IL22RA1: variants seen among roughly 807,000 people sequenced by gnomAD.
IL22RA1 encodes the protein interleukin-22 receptor subunit alpha-1.
A neutral mutation model predicts 32.8 loss-of-function variants in IL22RA1; 25 were observed. The ratio of observed to expected loss-of-function variants is 0.76; its 90% CI spans 0.55 to 1.06. IL22RA1 has a LOEUF of 1.06. Ranked by LOEUF, IL22RA1 falls within the 50% of genes least tolerant of loss-of-function variation. IL22RA1 has a pLI of 0.00. For missense variants in IL22RA1, 709 were observed against 727.4 expected (o/e 0.97, Z 0.29); for synonymous variants, 305 against 305.0 (o/e 1.00, Z 0.00).
chr1:24,125,364 G>C (rs1408659958), intron 5 of IL22RA1, among the ~76,000 whole-genome samples: 1 of 152,326 alleles, frequency 6.6e-6, no homozygotes, highest in East Asian at 1.9e-4. Context: ...GGAAGCCTCA[G>C]TTTCCTCATC....
intron 1 of IL22RA1, 55 bp from the exon 2 acceptor site, chr1:24,138,769 A>G: frequency 1.3e-6 from 2 of 1,593,106 alleles, no homozygotes; most frequent in Non-Finnish European, 1.7e-6. Context: ...CACCCTGCCC[A>G]TGTATGGGCT....
chr1:24,129,429 C>T (rs1271014394), intron 4 of IL22RA1, among the ~76,000 whole-genome samples: 1 of 152,236 alleles, frequency 6.6e-6, no homozygotes, highest in Non-Finnish European at 1.5e-5. Flanking sequence ...GAACATGCTG[C>T]CCTCCTCTCT....
intron 3 of IL22RA1, among the ~76,000 whole-genome samples, chr1:24,135,424 TA>T (rs901383938): frequency 1.3e-5 from 2 of 152,200 alleles, no homozygotes; most frequent in Non-Finnish European, 2.9e-5. Context: ...CAAGCCAGGT[TA>T]AAAAAACAAT....
chr1:24,140,721 G>A (rs1031192075), intron 1 of IL22RA1, among the ~76,000 whole-genome samples: 8 of 152,218 alleles, frequency 5.3e-5, no homozygotes, highest in African/African-American at 1.9e-4. Context: ...GCTGTGGAGA[G>A]CAAGAGCCTG....
chr1:24,129,420 A>G (rs1482805231), intron 4 of IL22RA1, among the ~76,000 whole-genome samples: 1 of 152,218 alleles, frequency 6.6e-6, no homozygotes, highest in African/African-American at 2.4e-5. Context: ...AACATGTCCG[A>G]ACATGCTGCC....
rs1644116929 is a variant in IL22RA1, at chr1:24,121,073, T to C, written c.1457A>G (p.Glu486Gly). 1 of 1,613,992 alleles carries C rather than the reference T, an allele frequency of 6.2e-7. No homozygotes were observed. Among genetic ancestry groups the C allele is most frequent in the South Asian group, 1.1e-5 (1 of 91,076 alleles). Residue 486 changes from glutamate to glycine, a missense_variant, in exon 7 of 7, where the codon GAA becomes GGA. Transcript: ENST00000270800. ...SDPNVLHSGE[E>G]GTPQYLKGQL... ...GCCCTTTAGGTACTGTGGTGTCCCTTCCTCCCCACTGTGTAGCACATTTGG... is the reference window on the plus strand; with the variant it reads ...GCCCTTTAGGTACTGTGGTGTCCCTCCCTCCCCACTGTGTAGCACATTTGG...
chr1:24,120,313 C>T lies in IL22RA1; in HGVS notation c.*492G>A, dbSNP rs1644110763. On this transcript the variant is annotated 3_prime_UTR_variant, in exon 7 of 7. Coordinates refer to ENST00000270800, the MANE Select transcript of IL22RA1 (RefSeq NM_021258.4). ...AGGTTGTTCTGGTTCTGCCCAGCCT[C>T]CTTCTGGTTCTTTTCCAGGCCTGGT... is the stretch of plus-strand genomic sequence containing the variant. The T allele has an allele frequency of 6.5e-6, 1 of 153,128 alleles. No homozygotes were observed. 9.5% of individuals were successfully genotyped at this position (153,128 alleles called of 1,614,324 possible). A position where few individuals can be genotyped will look rare whatever the true frequency, so the allele number is the denominator to read the frequency against.
chr1:24,124,684 G>A (rs1319255399), intron 5 of IL22RA1, among the ~76,000 whole-genome samples: 1 of 152,000 alleles, frequency 6.6e-6, no homozygotes, highest in East Asian at 1.9e-4. Flanking sequence ...CGATCACTGT[G>A]AACTCCGGGT....
chr1:24,132,439 C>A (rs1644212598), intron 4 of IL22RA1, among the ~76,000 whole-genome samples: 1 of 150,838 alleles, frequency 6.6e-6, no homozygotes, highest in Admixed American at 6.6e-5. Context: ...TCACGCCATT[C>A]TTCTACCTCA....
intron 4 of IL22RA1, among the ~76,000 whole-genome samples, chr1:24,130,119 A>AGCATTGGAGAGAAAATAAAAGCAGGCAT (rs1453635761): frequency 1.7e-4 from 26 of 152,382 alleles, no homozygotes; most frequent in African/African-American, 6.3e-4. Context: ...ACTACTTAAA[A>AGCATTGGAGAGAAAATAAAAGCAGGCAT]GCATTGGAGA....
intron 1 of IL22RA1, among the ~76,000 whole-genome samples, chr1:24,139,916 T>G (rs1644269103): frequency 6.6e-6 from 1 of 152,238 alleles, no homozygotes; most frequent in African/African-American, 2.4e-5. Context: ...GTGTAAGAAG[T>G]GACTTGCCCC....
rs769397737 is a variant in IL22RA1, at chr1:24,128,131, C to T, written c.670+10G>A. On this transcript the variant is annotated intron_variant, in intron 5 of 6. Transcript: ENST00000270800. ...GAGCCCCACCTCCCTCTGGTTTCAG[C>T]CGAACTCACCTGGCAGTGTCTTCAC... 2 of 1,507,382 alleles carry T rather than the reference C, an allele frequency of 1.3e-6. No homozygotes were observed. Among genetic ancestry groups the T allele is most frequent in the South Asian group, 2.7e-5 (2 of 75,094 alleles). The allele number at this position is 1,507,382 out of a possible 1,614,324, so 93.4% of individuals were successfully genotyped here. A position where few individuals can be genotyped will look rare whatever the true frequency, so the allele number is the denominator to read the frequency against.
At chr1:24,141,939 G>C (rs34089279) in intron 1 of IL22RA1, among the ~76,000 whole-genome samples, 5,772 of 152,304 alleles carry the variant, frequency 0.038, 130 homozygotes, top group Middle Eastern at 0.088. Context: ...CCTAAGATTG[G>C]GGGGGTGAGG....
chr1:24,135,149 T>C (rs1171484045), intron 3 of IL22RA1, among the ~76,000 whole-genome samples: 1 of 152,206 alleles, frequency 6.6e-6, no homozygotes, highest in African/African-American at 2.4e-5. Flanking sequence ...ATAAGTAAAT[T>C]AGAGTATCTC....
In IL22RA1 at chr1:24,134,096, T is replaced by C. The variant is rs374968446; in HGVS notation, c.531+115A>G. On this transcript the variant is annotated intron_variant, in intron 4 of 6. Coordinates refer to ENST00000270800, the MANE Select transcript of IL22RA1 (RefSeq NM_021258.4). Reference sequence around the variant, plus strand: ...AAGGAGCCTCTCAAGGGACATGTTTTGGGAAATGCTAATTTACATAACATG... The same window carrying C: ...AAGGAGCCTCTCAAGGGACATGTTTCGGGAAATGCTAATTTACATAACATG... 90 of 813,946 alleles carry C rather than the reference T, an allele frequency of 1.1e-4. No individual in the cohort carries two copies. In the South Asian group the frequency reaches 1.7e-3, roughly 15 times the overall value. 50.4% of individuals were successfully genotyped at this position (813,946 alleles called of 1,614,324 possible).
Position 24,143,023 on chromosome 1 carries a change from G to T in IL22RA1, c.43+17C>A. 1 of 1,611,976 alleles carries T rather than the reference G, an allele frequency of 6.2e-7. No homozygotes were observed. The highest frequency in any genetic ancestry group is 1.1e-5 in the South Asian group (1 of 90,398). ...TGGGATAAGGGAGGTCTGACCACAG[G>T]GTAGATGGGCACTCACCAGCCAGGG... is the stretch of plus-strand genomic sequence containing the variant. On this transcript the variant is annotated intron_variant, in intron 1 of 6. Coordinates refer to ENST00000270800, the MANE Select transcript of IL22RA1 (RefSeq NM_021258.4).
At chr1:24,139,165 G>C (rs1460721491) in intron 1 of IL22RA1, among the ~76,000 whole-genome samples, 1 of 152,184 alleles carries the variant, frequency 6.6e-6, no homozygotes, top group Non-Finnish European at 1.5e-5. Flanking sequence ...TCTACTTCCT[G>C]TGTCTGTGAA....
intron 3 of IL22RA1, among the ~76,000 whole-genome samples, chr1:24,135,808 G>A (rs910182178): frequency 1.3e-5 from 2 of 152,146 alleles, no homozygotes; most frequent in African/African-American, 4.8e-5. Context: ...TAGCATGGGG[G>A]GAACCGTCCC....
chr1:24,134,245 T>C lies in IL22RA1; in HGVS notation c.497A>G (p.His166Arg). ...GGTGCGGTTGACCTGGAGCTCTAAG[T>C]GGTAGAACAGGTCATGGAAGATGTC... is the stretch of plus-strand genomic sequence containing the variant. ...LEDIFHDLFY[H>R]LELQVNRTYQ... is the part of the protein sequence containing the mutation. Residue 166 changes from histidine to arginine, a missense_variant, in exon 4 of 7, where the codon CAC becomes CGC. Transcript: ENST00000270800. 1 of 1,611,952 alleles carries C rather than the reference T, an allele frequency of 6.2e-7. No individual in the cohort carries two copies. Among genetic ancestry groups the C allele is most frequent in the Non-Finnish European group, 8.5e-7 (1 of 1,179,038 alleles).
Sources: gnomAD v4.1 joint callset for allele counts (sites outside exome capture counted in the v4.1 genomes callset) on GRCh38, gnomAD v4.1.1 for gene constraint, MANE v1.5 for transcripts, NCBI Gene and HGNC (gene_info 2026-07-23, HGNC 2026-07-21) for gene names.